Variants in SPATS2L observed in about 807,000 individuals in gnomAD.
The protein encoded by SPATS2L is SPATS2-like protein.
A neutral mutation model predicts 59.6 loss-of-function variants in SPATS2L; 30 were observed. The ratio of observed to expected loss-of-function variants is 0.50; its 90% CI spans 0.38 to 0.68. The LOEUF is 0.68. SPATS2L is among the 30% of genes least tolerant of loss of function. The pLI, the probability that SPATS2L is intolerant of heterozygous loss-of-function variation, is 0.00. For missense variants in SPATS2L, 615 were observed against 700.0 expected, an observed-to-expected ratio of 0.88 and a Z score of 1.37; for synonymous variants, 252 against 263.5, an observed-to-expected ratio of 0.96 and a Z score of 0.42.
chr2:200,381,677 G>A (rs62279292), intron 2 of SPATS2L, among the ~76,000 whole-genome samples: 12,900 of 152,236 alleles, frequency 0.085, 743 homozygotes, highest in Non-Finnish European at 0.13. Context: ...GATACTGTTG[G>A]ATGCTGTTTT....
chr2:200,315,796 G>A (rs2079351409), intron 1 of SPATS2L, among the ~76,000 whole-genome samples: 1 of 145,960 alleles, frequency 6.9e-6, no homozygotes, highest in African/African-American at 2.5e-5. Flanking sequence ...AGCACCTGTT[G>A]CCTTAAGAGA....
At chr2:200,473,525 C>T (rs73059872) in intron 12 of SPATS2L, among the ~76,000 whole-genome samples, 2,176 of 152,282 alleles carry the variant, frequency 0.014, 55 homozygotes, top group African/African-American at 0.048. Flanking sequence ...AAAGTTAGTG[C>T]AGTCTTCTCT....
intron 1 of SPATS2L, among the ~76,000 whole-genome samples, chr2:200,307,363 C>T (rs67190025): frequency 0.4 from 60,131 of 151,588 alleles, 13,306 homozygotes; most frequent in East Asian, 0.72. Context: ...GCTCTCTGGC[C>T]CGGAGCCGCA....
chr2:200,475,742 G>A (rs1426074940), intron 12 of SPATS2L, among the ~76,000 whole-genome samples: 1 of 152,118 alleles, frequency 6.6e-6, no homozygotes, highest in Non-Finnish European at 1.5e-5. Flanking sequence ...ATTATTGGGG[G>A]TTGGTCTGCC....
intron 6 of SPATS2L, among the ~76,000 whole-genome samples, chr2:200,432,651 G>A (rs2106069475): frequency 6.6e-6 from 1 of 152,260 alleles, no homozygotes; most frequent in Non-Finnish European, 1.5e-5. Context: ...CTATAATGAA[G>A]AGAAAGATTA....
intron 2 of SPATS2L, chr2:200,378,184 CA>C: frequency 1.0e-6 from 1 of 999,784 alleles, no homozygotes; most frequent in African/African-American, 1.7e-5. Flanking sequence ...CAGCCACGCC[CA>C]AGATCCTGCT....
chr2:200,443,148 G>C (rs2106116631), intron 8 of SPATS2L, among the ~76,000 whole-genome samples: 1 of 152,240 alleles, frequency 6.6e-6, no homozygotes, highest in South Asian at 2.1e-4. Flanking sequence ...CTGCCAAACA[G>C]AAAAACCTTG....
intron 5 of SPATS2L, 72 bp downstream of exon 5, chr2:200,416,500 A>G: frequency 1.1e-6 from 1 of 895,720 alleles, no homozygotes; most frequent in Non-Finnish European, 1.6e-6. Context: ...CATTTTAACA[A>G]GGCTGCCAAT....
intron 9 of SPATS2L, among the ~76,000 whole-genome samples, chr2:200,465,087 A>T (rs1207443447): frequency 6.6e-6 from 1 of 152,260 alleles, no homozygotes; most frequent in African/African-American, 2.4e-5. Flanking sequence ...TGCCATGGAC[A>T]CAAAGAACTA....
At chr2:200,306,374 G>C (rs2079010879), upstream of SPATS2L, 2 of 1,002,236 alleles carry the variant, frequency 2.0e-6, no homozygotes, top group Non-Finnish European at 2.4e-6. Flanking sequence ...GTGAAGTGGA[G>C]GTTTGGGGAA....
chr2:200,358,880 C>T lies in SPATS2L; in HGVS notation c.-23+29400C>T, dbSNP rs118102591. On this transcript the variant is annotated intron_variant, in intron 2 of 12. Transcript: ENST00000409140. ...GTGCACACCTGTGGTCCTAGCTACT[C>T]GAGAGGCTGAAGGGGAGGATCCCTT... Among the ~76,000 whole-genome samples, 56 of 151,958 alleles carry T rather than the reference C, an allele frequency of 3.7e-4. No individual in the cohort carries two copies. The East Asian group carries it at 0.011, about 29-fold the overall frequency.
In SPATS2L at chr2:200,479,899, T is replaced by C. The variant is rs958398125; in HGVS notation, c.*1868T>C. ...GTGTACCCAGAGATTTAATAGAAATTCTTAACGTTAAGTCACATTCCAGGA... is the reference window on the plus strand; with the variant it reads ...GTGTACCCAGAGATTTAATAGAAATCCTTAACGTTAAGTCACATTCCAGGA... On this transcript the variant is annotated 3_prime_UTR_variant, in exon 13 of 13. Transcript: ENST00000409140. The C allele has an allele frequency of 7.6e-6, 3 of 397,140 alleles. No homozygotes were observed. The highest frequency in any genetic ancestry group is 1.3e-5 in the Non-Finnish European group (3 of 225,778). The allele number at this position is 397,140 out of a possible 1,614,324, so 24.6% of individuals were successfully genotyped here. A position where few individuals can be genotyped will look rare whatever the true frequency, so the allele number is the denominator to read the frequency against.
chr2:200,426,065 A>G (rs902279944), intron 6 of SPATS2L, among the ~76,000 whole-genome samples: 2 of 146,872 alleles, frequency 1.4e-5, no homozygotes, highest in East Asian at 4.0e-4. Context: ...TTATAGAATT[A>G]TAACCATAGG....
chr2:200,472,870 T>A lies in SPATS2L; in HGVS notation c.1099T>A (p.Cys367Ser). Residue 367 changes from cysteine to serine, a missense_variant, in exon 12 of 13, where the codon TGC (cysteine) becomes AGC (serine). This residue lies in a region of SPATS2L where 284 missense variants were observed against 280.1 expected (regional missense o/e 1.01). Coordinates refer to ENST00000409140, the MANE Select transcript of SPATS2L (RefSeq NM_001100423.2). Reference protein sequence around the residue: ...PKNNYSSRTPCSSLLPLLNAH... With the variant: ...PKNNYSSRTPSSSLLPLLNAH... Reference sequence around the variant, plus strand: ...GAACAACTATTCCTCAAGAACTCCCTGCAGCTCCCTGCTGCCTCTGCTGAA... The same window carrying A: ...GAACAACTATTCCTCAAGAACTCCCAGCAGCTCCCTGCTGCCTCTGCTGAA... 1 of 1,613,962 alleles carries A rather than the reference T, an allele frequency of 6.2e-7. No homozygotes were observed. Among genetic ancestry groups the A allele is most frequent in the Non-Finnish European group, 8.5e-7 (1 of 1,179,870 alleles).
chr2:200,430,972 C>T (rs1487499137), intron 6 of SPATS2L, among the ~76,000 whole-genome samples: 3 of 152,142 alleles, frequency 2.0e-5, no homozygotes, highest in Non-Finnish European at 2.9e-5. Context: ...CCCACCTTGG[C>T]TTCCCAAAGT....
intron 3 of SPATS2L, chr2:200,390,785 T>G (rs2105929442): frequency 6.6e-6 from 1 of 151,226 alleles, no homozygotes; most frequent in South Asian, 2.1e-4. Context: ...TGAGAACAAA[T>G]ACATTTTTAT....
At chr2:200,409,083 C>T (rs2082784924) in intron 3 of SPATS2L, among the ~76,000 whole-genome samples, 1 of 152,218 alleles carries the variant, frequency 6.6e-6, no homozygotes, top group African/African-American at 2.4e-5. Flanking sequence ...CAGCTTCAAA[C>T]GGTGGCTTAG....
intron 1 of SPATS2L, among the ~76,000 whole-genome samples, chr2:200,323,689 A>G (rs1212211269): frequency 6.6e-6 from 1 of 152,152 alleles, no homozygotes; most frequent in Non-Finnish European, 1.5e-5. Flanking sequence ...TGACTTCAAT[A>G]GGTGGTTCCT....
intron 1 of SPATS2L, among the ~76,000 whole-genome samples, chr2:200,323,176 G>A (rs1369444911): frequency 6.6e-6 from 1 of 152,150 alleles, no homozygotes; most frequent in Non-Finnish European, 1.5e-5. Context: ...TCTGCAGGTT[G>A]GATTTACAGC....
Sources: allele counts gnomAD v4.1 joint callset (sites outside exome capture counted in the v4.1 genomes callset), GRCh38; gene constraint gnomAD v4.1.1; regional missense constraint gnomAD v4.1.1; transcripts MANE v1.5; gene names NCBI Gene and HGNC (gene_info 2026-07-23, HGNC 2026-07-21).